The following COMMD1 variants were observed in gnomAD, a reference collection of about 807,000 sequenced individuals.
COMMD1 encodes copper metabolism domain containing 1.
COMMD1 carries 10 observed loss-of-function variants against 17.2 expected under a neutral mutation model. The observed-to-expected ratio is 0.58, with a 90% CI of 0.36 to 0.99. COMMD1 has a LOEUF of 0.99. Among genes scored for constraint, COMMD1 ranks in the 50% least tolerant of loss-of-function variants. The pLI is 0.01. For synonymous variants in COMMD1, 97 were observed against 91.6 expected (o/e 1.06, Z -0.34); for missense variants, 270 against 231.8 (o/e 1.17, Z -1.07).
At chr2:62,014,382 G>A (rs1483963742) in intron 2 of COMMD1, among the ~76,000 whole-genome samples, 2 of 151,896 alleles carry the variant, frequency 1.3e-5, no homozygotes, top group Non-Finnish European at 2.9e-5. Flanking sequence ...TGTTTGTCTA[G>A]TATGTGTGTA....
intron 1 of COMMD1, among the ~76,000 whole-genome samples, chr2:61,927,681 AGCCACCGCG>A (rs921961286): frequency 6.6e-6 from 1 of 151,630 alleles, no homozygotes; most frequent in African/African-American, 2.4e-5. Context: ...TACAGGCGTG[AGCCACCGCG>A]CCTGGCTGGG....
At chr2:61,976,934 T>C (rs1187998032) in intron 1 of COMMD1, among the ~76,000 whole-genome samples, 1 of 151,712 alleles carries the variant, frequency 6.6e-6, no homozygotes, top group Non-Finnish European at 1.5e-5. Flanking sequence ...GTTGAAGCAA[T>C]TCTTCTGCCT....
In COMMD1 at chr2:61,892,486, G is replaced by A. The variant is rs372790065; in HGVS notation, n.119+3644G>A. On this transcript the variant is annotated intron_variant and non_coding_transcript_variant, in intron 1 of 2. Transcript: ENST00000472729. ...GGAGGGTGGATCAGCTGAGGTCAGG[G>A]GATTGAGACCATCCTGGCTAACACG... 2.2e-4 allele frequency among the ~76,000 whole-genome samples: 33 copies of A among 151,726 alleles called. No individual in the cohort carries two copies. In the East Asian group the frequency reaches 5.3e-3, roughly 24 times the overall value.
chr2:61,932,779 G>A (rs1670502822), intron 1 of COMMD1, among the ~76,000 whole-genome samples: 1 of 152,202 alleles, frequency 6.6e-6, no homozygotes, highest in South Asian at 2.1e-4. Flanking sequence ...AGGAACGAGA[G>A]CAAATGAATG....
intron 1 of COMMD1, among the ~76,000 whole-genome samples, chr2:61,907,211 A>G (rs1424546049): frequency 6.6e-6 from 1 of 151,970 alleles, no homozygotes; most frequent in African/African-American, 2.4e-5. Context: ...GGTTCGAGCC[A>G]TTCTCCTGCC....
intron 2 of COMMD1, chr2:62,090,946 G>T (rs895730185): frequency 6.6e-6 from 1 of 152,172 alleles, no homozygotes; most frequent in African/African-American, 2.4e-5. Flanking sequence ...TTTAACTTCG[G>T]TGCCTGTGCT....
intron 2 of COMMD1, among the ~76,000 whole-genome samples, chr2:62,037,005 A>G (rs529287061): frequency 2.2e-4 from 33 of 152,330 alleles, no homozygotes; most frequent in Middle Eastern, 3.4e-3. Context: ...ATATTTACTT[A>G]TGCCTATAAA....
rs187937759 is a variant in COMMD1 at position 61,969,925 on chromosome 2, G to A, written c.181-30776G>A. On this transcript the variant is annotated intron_variant, in intron 1 of 2. Coordinates refer to ENST00000311832, the MANE Select transcript of COMMD1 (RefSeq NM_152516.4). ...TTTTCTTGCAATATTAAAAACCTCC[G>A]ATGTAAGTGGAAAAAGAGTTATTTC... Among the ~76,000 whole-genome samples, 60 of 151,766 alleles carry A rather than the reference G, an allele frequency of 4.0e-4. 1 individual carries two copies. The highest frequency in any genetic ancestry group is 1.2e-3 in the African/African-American group (48 of 41,350).
chr2:62,133,671 T>C lies in COMMD1; in HGVS notation c.463-2160T>C, dbSNP rs187369668. Among the ~76,000 whole-genome samples the C allele has an allele frequency of 2.4e-3, 370 of 152,300 alleles. 3 individuals are homozygous for C. The highest frequency in any genetic ancestry group is 8.1e-3 in the African/African-American group (336 of 41,568). ...ACATAGGAAGAAGGGTTTGGTCTTCTAAAGGTGGTAAATTATGGGAATTAA... is the reference window on the plus strand; with the variant it reads ...ACATAGGAAGAAGGGTTTGGTCTTCCAAAGGTGGTAAATTATGGGAATTAA... On this transcript the variant is annotated intron_variant, in intron 2 of 2. Transcript: ENST00000311832.
chr2:61,935,653 C>T (rs771450880), intron 1 of COMMD1, among the ~76,000 whole-genome samples: 1 of 151,826 alleles, frequency 6.6e-6, no homozygotes, highest in Non-Finnish European at 1.5e-5. Flanking sequence ...GGTAAAATTT[C>T]TCTGTACAGT....
intron 1 of COMMD1, among the ~76,000 whole-genome samples, chr2:61,947,331 G>T (rs1670933466): frequency 6.6e-6 from 1 of 152,050 alleles, no homozygotes; most frequent in Non-Finnish European, 1.5e-5. Flanking sequence ...TTTTGGAAAT[G>T]ACTTTTTTTT....
At chr2:62,030,573 T>C (rs1669885475) in intron 2 of COMMD1, among the ~76,000 whole-genome samples, 1 of 152,208 alleles carries the variant, frequency 6.6e-6, no homozygotes, top group Non-Finnish European at 1.5e-5. Flanking sequence ...TATTGGGAAC[T>C]CTGCTAATCT....
intron 2 of COMMD1, among the ~76,000 whole-genome samples, chr2:62,061,659 G>A (rs763423006): frequency 1.8e-4 from 27 of 150,640 alleles, no homozygotes; most frequent in Admixed American, 4.7e-4. Context: ...AGGTTCAAGC[G>A]ATTCTCCTGC....
intron 2 of COMMD1, among the ~76,000 whole-genome samples, chr2:62,096,474 G>A (rs1038933983): frequency 6.6e-6 from 1 of 152,204 alleles, no homozygotes; most frequent in Non-Finnish European, 1.5e-5. Context: ...GGATGGCCTA[G>A]AACAGGTGCT....
At chr2:61,990,891 A>AATAT (rs1221008534) in intron 1 of COMMD1, among the ~76,000 whole-genome samples, 8 of 103,910 alleles carry the variant, frequency 7.7e-5, no homozygotes, top group Admixed American at 7.4e-4. Context: ...AAAAAAAAAA[A>AATAT]ATATATATAT....
chr2:61,919,983 G>T (rs764142643), intron 1 of COMMD1, among the ~76,000 whole-genome samples: 1 of 152,026 alleles, frequency 6.6e-6, no homozygotes, highest in African/African-American at 2.4e-5. Context: ...AAAAAAATCA[G>T]CCAGGCATAC....
chr2:61,961,669 C>T (rs1378441008), intron 1 of COMMD1, among the ~76,000 whole-genome samples: 1 of 152,074 alleles, frequency 6.6e-6, no homozygotes, highest in Non-Finnish European at 1.5e-5. Flanking sequence ...TTTTGAAACT[C>T]CTGTTATTCA....
intron 2 of COMMD1, among the ~76,000 whole-genome samples, chr2:62,112,498 T>C (rs1238056604): frequency 6.6e-6 from 1 of 152,252 alleles, no homozygotes; most frequent in East Asian, 1.9e-4. Context: ...AAAACAGAGC[T>C]GGTAGTTAAA....
intron 1 of COMMD1, among the ~76,000 whole-genome samples, chr2:61,933,137 C>G (rs1303942504): frequency 6.6e-6 from 1 of 151,860 alleles, no homozygotes; most frequent in Non-Finnish European, 1.5e-5. Context: ...CTGGCTGGGC[C>G]CCTCTCCAAA....
Sources: gnomAD v4.1 joint callset for allele counts (sites outside exome capture counted in the v4.1 genomes callset) on GRCh38, gnomAD v4.1.1 for gene constraint, MANE v1.5 for transcripts, NCBI Gene and HGNC (gene_info 2026-07-23, HGNC 2026-07-21) for gene names.